The following CATSPERT variants were observed in gnomAD, a reference collection of about 807,000 sequenced individuals.
CATSPERT encodes the protein cation channel sperm-associated targeting subunit tau.
At chr2:201,504,441 A>T in the CATSPERT span, among the ~76,000 whole-genome samples, 1 of 152,236 alleles carries the variant, frequency 6.6e-6, no homozygotes, top group African/African-American at 2.4e-5. Context: ...AAATAGCTCA[A>T]GATGGCGGCC....
At chr2:201,596,043 A>G in the CATSPERT span, among the ~76,000 whole-genome samples, 1 of 152,222 alleles carries the variant, frequency 6.6e-6, no homozygotes, top group Non-Finnish European at 1.5e-5. Flanking sequence ...TAAAAACAAA[A>G]ATACCATTTG....
chr2:201,563,318 C>CT, the CATSPERT span, among the ~76,000 whole-genome samples: 2 of 126,716 alleles, frequency 1.6e-5, no homozygotes, highest in African/African-American at 3.1e-5. Flanking sequence ...GGGCGGGGGG[C>CT]TGACCCCCCC....
the CATSPERT span, among the ~76,000 whole-genome samples, chr2:201,496,204 C>G: frequency 6.6e-6 from 1 of 151,796 alleles, no homozygotes; most frequent in Non-Finnish European, 1.5e-5. Context: ...CAAAATAATG[C>G]ACAGCAACTT....
the CATSPERT span, chr2:201,545,627 A>T: frequency 5.4e-6 from 3 of 558,570 alleles, no homozygotes; most frequent in Non-Finnish European, 7.8e-6. Context: ...GTTTCCTAGA[A>T]GCAAAAAAAA....
the CATSPERT span, among the ~76,000 whole-genome samples, chr2:201,563,186 C>CG: frequency 8.3e-5 from 9 of 108,820 alleles, no homozygotes; most frequent in African/African-American, 1.4e-4. Flanking sequence ...GCTGGCCGGG[C>CG]GGGGGCTGAC....
chr2:201,487,637 G>T, the CATSPERT span: 3 of 1,603,134 alleles, frequency 1.9e-6, no homozygotes, highest in East Asian at 2.2e-5. Flanking sequence ...AATTTTTTTT[G>T]GCCGCATTTT....
At chr2:201,516,903 C>T in the CATSPERT span, among the ~76,000 whole-genome samples, 8 of 147,280 alleles carry the variant, frequency 5.4e-5, no homozygotes, top group East Asian at 2.0e-4. Context: ...GCCTCACCTA[C>T]GGGATAAAGC....
At chr2:201,518,898 T>A in the CATSPERT span, among the ~76,000 whole-genome samples, 4 of 152,202 alleles carry the variant, frequency 2.6e-5, no homozygotes, top group Non-Finnish European at 5.9e-5. Context: ...GAAGGGGACA[T>A]GGAGACAGGC....
chr2:201,533,976 T>A, the CATSPERT span, among the ~76,000 whole-genome samples: 93,147 of 151,876 alleles, frequency 0.61, 30,338 homozygotes, highest in East Asian at 0.95. Context: ...AGAGCACAAG[T>A]AGAAGCCCCA....
At chr2:201,608,821 A>AG in the CATSPERT span, among the ~76,000 whole-genome samples, 1 of 151,270 alleles carries the variant, frequency 6.6e-6, no homozygotes, top group African/African-American at 2.4e-5. Context: ...TGTCTCAAAA[A>AG]AAAAAAAAGA....
the CATSPERT span, among the ~76,000 whole-genome samples, chr2:201,589,071 G>A: frequency 6.6e-6 from 1 of 152,042 alleles, no homozygotes. Context: ...TCTCTACAAG[G>A]AGAACTACAA....
chr2:201,571,228 A>G, the CATSPERT span, among the ~76,000 whole-genome samples: 2 of 152,342 alleles, frequency 1.3e-5, no homozygotes, highest in African/African-American at 2.4e-5. Flanking sequence ...TCAAATAGAT[A>G]AAGTATTTTA....
chr2:201,569,762 C>G, the CATSPERT span, among the ~76,000 whole-genome samples: 80 of 152,328 alleles, frequency 5.3e-4, no homozygotes, highest in South Asian at 1.4e-3. Context: ...AAAACCCTTC[C>G]TCTACATTAA....
chr2:201,618,605 T>C, the CATSPERT span, among the ~76,000 whole-genome samples: 1 of 151,632 alleles, frequency 6.6e-6, no homozygotes, highest in African/African-American at 2.4e-5. Context: ...ATATACCTAA[T>C]GTAAATGACG....
the CATSPERT span, chr2:201,547,626 A>C: frequency 2.9e-6 from 4 of 1,381,264 alleles, no homozygotes; most frequent in Non-Finnish European, 3.9e-6. Context: ...GAAAGAAATA[A>C]GTTATGAATG....
At chr2:201,609,839 T>A in the CATSPERT span, among the ~76,000 whole-genome samples, 2 of 151,790 alleles carry the variant, frequency 1.3e-5, no homozygotes, top group Admixed American at 1.3e-4. Context: ...ATAACAAAGA[T>A]CAGAGCAGAA....
At chr2:201,597,012 A>G in the CATSPERT span, among the ~76,000 whole-genome samples, 1 of 152,172 alleles carries the variant, frequency 6.6e-6, no homozygotes, top group Non-Finnish European at 1.5e-5. Flanking sequence ...TTATTCTATG[A>G]ATGAACATTA....
the CATSPERT span, among the ~76,000 whole-genome samples, chr2:201,601,165 T>C: frequency 6.6e-6 from 1 of 152,108 alleles, no homozygotes; most frequent in Non-Finnish European, 1.5e-5. Context: ...GAAACCAGAC[T>C]GCCCACATTC....
the CATSPERT span, among the ~76,000 whole-genome samples, chr2:201,512,722 G>A: frequency 1.3e-5 from 2 of 152,130 alleles, no homozygotes. Flanking sequence ...GAGCTATTAT[G>A]AATAAGGCTG....
Sources: allele counts gnomAD v4.1 joint callset (sites outside exome capture counted in the v4.1 genomes callset), GRCh38; gene constraint gnomAD v4.1.1; transcripts MANE v1.5; gene names NCBI Gene and HGNC (gene_info 2026-07-23, HGNC 2026-07-21).